The following CC2D2A variants were observed in gnomAD, a reference collection of about 807,000 sequenced individuals.
CC2D2A encodes coiled-coil and C2 domain containing 2A.
In CC2D2A, 155 loss-of-function variants were observed where a neutral mutation model predicts 212.9. The observed-to-expected ratio is 0.73, with a 90% confidence interval of 0.64 to 0.83. CC2D2A has a LOEUF of 0.83. Ranked by LOEUF, CC2D2A falls within the 40% of genes least tolerant of loss-of-function variation. The pLI is 0.00. For missense variants in CC2D2A, 1,856 were observed against 1,956.2 expected (o/e 0.95, Z 0.97); for synonymous variants, 667 against 686.5 (o/e 0.97, Z 0.44).
chr4:15,560,946 TCTC>T (rs1300393278), intron 23 of CC2D2A, among the ~76,000 whole-genome samples: 3 of 152,148 alleles, frequency 2.0e-5, no homozygotes, highest in Non-Finnish European at 2.9e-5. Context: ...TGCAAGTACT[TCTC>T]CTGTTTTCCT....
intron 22 of CC2D2A, among the ~76,000 whole-genome samples, chr4:15,560,059 T>C (rs1411716318): frequency 6.7e-6 from 1 of 150,308 alleles, no homozygotes; most frequent in Non-Finnish European, 1.5e-5. Flanking sequence ...CTCGAACTCC[T>C]GAGCTCAAGC....
chr4:15,512,357 A>AAT (rs1396938236), intron 8 of CC2D2A, among the ~76,000 whole-genome samples: 1 of 152,258 alleles, frequency 6.6e-6, no homozygotes, highest in African/African-American at 2.4e-5. Flanking sequence ...TATACAATGG[A>AAT]ATATTATACA....
chr4:15,507,443 C>T (rs1250243060), intron 6 of CC2D2A, among the ~76,000 whole-genome samples: 1 of 152,150 alleles, frequency 6.6e-6, no homozygotes, highest in African/African-American at 2.4e-5. Flanking sequence ...TTAGCTGTAC[C>T]TCCAGGTTTC....
Position 15,480,704 on chromosome 4 carries a change from C to G in CC2D2A, c.124C>G (p.Pro42Ala). 1 of 1,608,984 alleles carries G rather than the reference C, an allele frequency of 6.2e-7. No homozygotes were observed. The highest frequency in any genetic ancestry group is 8.5e-7 in the Non-Finnish European group (1 of 1,177,850). The change falls in exon 4 of 37, where the codon CCA becomes GCA. Residue 42 changes from proline to alanine, a missense_variant and splice_region_variant. Around this residue, in one of 5 missense-constraint regions of CC2D2A, gnomAD observed 1,512 missense variants for 1,579.3 expected, o/e 0.96. Coordinates refer to ENST00000424120, the MANE Select transcript of CC2D2A (RefSeq NM_001378615.1). ...TGAACCTCTGACCTTCTTCCTCCAGCCACCAACTGCTGTCCCCAAGGAAAT... is the reference window on the plus strand; with the variant it reads ...TGAACCTCTGACCTTCTTCCTCCAGGCACCAACTGCTGTCCCCAAGGAAAT... The part of the protein sequence containing the change: ...KVRRQPRKKQ[P>A]PTAVPKEMVS...
chr4:15,566,004 T>C (rs1719865251), intron 24 of CC2D2A, among the ~76,000 whole-genome samples: 2 of 152,228 alleles, frequency 1.3e-5, no homozygotes, highest in Admixed American at 1.3e-4. Flanking sequence ...CAATTACCTT[T>C]GTCTGAAACC....
intron 24 of CC2D2A, among the ~76,000 whole-genome samples, chr4:15,564,650 T>C (rs974491961): frequency 2.0e-5 from 3 of 151,816 alleles, no homozygotes; most frequent in African/African-American, 7.3e-5. Context: ...TAGTTCTGTC[T>C]CTCTCCTTCC....
At chr4:15,545,890 C>T (rs114584183) in intron 17 of CC2D2A, among the ~76,000 whole-genome samples, 1,792 of 152,242 alleles carry the variant, frequency 0.012, 17 homozygotes, top group Non-Finnish European at 0.019. Context: ...GGAAGGATAG[C>T]TTGGGCCCAG....
intron 6 of CC2D2A, among the ~76,000 whole-genome samples, chr4:15,509,637 C>T (rs982145164): frequency 2.6e-5 from 4 of 152,268 alleles, no homozygotes; most frequent in Non-Finnish European, 4.4e-5. Flanking sequence ...TTGAGAGAGA[C>T]GAGTTGAGTA....
intron 19 of CC2D2A, among the ~76,000 whole-genome samples, chr4:15,554,354 G>A (rs1264337537): frequency 2.6e-5 from 4 of 152,208 alleles, no homozygotes; most frequent in Non-Finnish European, 5.9e-5. Context: ...GGTGTCCAAA[G>A]CTGGTGCTTA....
chr4:15,579,859 C>A, intron 29 of CC2D2A, 109 bp from the exon 30 acceptor site: 1 of 816,120 alleles, frequency 1.2e-6, no homozygotes, highest in Non-Finnish European at 2.0e-6. Flanking sequence ...TGTAAGGAGT[C>A]AGTCATATTC....
chr4:15,534,346 T>G (rs906577839), intron 14 of CC2D2A, among the ~76,000 whole-genome samples: 1 of 152,178 alleles, frequency 6.6e-6, no homozygotes, highest in Non-Finnish European at 1.5e-5. Context: ...ATACATTAGT[T>G]TTTTCTTTTA....
At chr4:15,579,783 G>A (rs906934458) in intron 29 of CC2D2A, among the ~76,000 whole-genome samples, 185 bp from the exon 30 acceptor site, 6 of 151,962 alleles carry the variant, frequency 3.9e-5, no homozygotes, top group Non-Finnish European at 7.4e-5. Context: ...TTAATGAGTC[G>A]GTCTAATTTT....
intron 30 of CC2D2A, among the ~76,000 whole-genome samples, chr4:15,584,332 C>G (rs986992051): frequency 3.3e-5 from 5 of 152,010 alleles, no homozygotes; most frequent in Non-Finnish European, 7.4e-5. Context: ...GATAGCAAAC[C>G]CAGAAATAAG....
chr4:15,562,060 A>G (rs915979705), intron 23 of CC2D2A, among the ~76,000 whole-genome samples: 7 of 152,350 alleles, frequency 4.6e-5, no homozygotes, highest in Admixed American at 4.6e-4. Flanking sequence ...GTGCTTATAA[A>G]TGGTAGCTAT....
chr4:15,493,420 T>A (rs1438502705), intron 4 of CC2D2A, among the ~76,000 whole-genome samples: 2 of 152,100 alleles, frequency 1.3e-5, no homozygotes, highest in Non-Finnish European at 2.9e-5. Flanking sequence ...TAGCTGGGAC[T>A]ACAGGTGTAC....
At chr4:15,512,178 A>G (rs1435865006) in intron 8 of CC2D2A, among the ~76,000 whole-genome samples, 3 of 152,252 alleles carry the variant, frequency 2.0e-5, no homozygotes, top group Non-Finnish European at 4.4e-5. Context: ...CCACAGATTT[A>G]CAATATGATC....
intron 21 of CC2D2A, among the ~76,000 whole-genome samples, chr4:15,557,758 A>G (rs1380563676): frequency 6.6e-6 from 1 of 152,220 alleles, no homozygotes; most frequent in Non-Finnish European, 1.5e-5. Flanking sequence ...ACTGCATACA[A>G]TTAGAATTGT....
chr4:15,509,472 C>T (rs547521711), intron 6 of CC2D2A, among the ~76,000 whole-genome samples: 2 of 152,252 alleles, frequency 1.3e-5, no homozygotes, highest in East Asian at 3.9e-4. Flanking sequence ...TGGGGTTTCA[C>T]TATGTTTGCC....
Position 15,587,800 on chromosome 4 carries a change from T to G in CC2D2A, c.4066-16T>G. ...GCATTGAGTCATACAACATAATTTT[T>G]TTTTCTTTTTGTCAGCAATTTCTTG... is the stretch of plus-strand genomic sequence containing the variant. On this transcript the variant is annotated splice_polypyrimidine_tract_variant and intron_variant, in intron 31 of 36. Transcript: ENST00000424120. The G allele has an allele frequency of 3.6e-6, 5 of 1,407,314 alleles. No individual in the cohort carries two copies. The South Asian group carries it at 5.8e-5, about 16-fold the overall frequency. The allele number at this position is 1,407,314 out of a possible 1,614,324, so 87.2% of individuals were successfully genotyped here. A position where few individuals can be genotyped will look rare whatever the true frequency, so the allele number is the denominator to read the frequency against.
Sources: allele counts gnomAD v4.1 joint callset (sites outside exome capture counted in the v4.1 genomes callset), GRCh38; gene constraint gnomAD v4.1.1; regional missense constraint gnomAD v4.1.1; transcripts MANE v1.5; gene names NCBI Gene and HGNC (gene_info 2026-07-23, HGNC 2026-07-21).